The following TASP1 variants were observed in gnomAD, a reference collection of about 807,000 sequenced individuals.
The protein encoded by TASP1 is taspase 1.
TASP1 carries 16 observed loss-of-function variants against 56.6 expected under a neutral mutation model. The ratio of observed to expected loss-of-function variants is 0.28; its 90% CI spans 0.19 to 0.43. TASP1 has a LOEUF of 0.43. TASP1 is among the 20% of genes least tolerant of loss of function. The probability of loss-of-function intolerance (pLI) is 1.00; values close to 1 mark genes in which losing one functional copy is unlikely to be tolerated. For missense variants in TASP1, 393 were observed against 511.6 expected, an observed-to-expected ratio of 0.77 and a Z score of 2.24; for synonymous variants, 179 against 184.2, an observed-to-expected ratio of 0.97 and a Z score of 0.23.
At position 13,424,343 on chromosome 20, in the gene TASP1, A is replaced by G. The variant is rs201784060; in HGVS notation, c.1097-6822T>C. On this transcript the variant is annotated intron_variant, in intron 12 of 13. Transcript: ENST00000337743. ...TCTCAGTAAAAGAGTAGCATTTACC[A>G]TCAGTGATATCTGGAAGTCTATAAT... 2.3e-4 allele frequency among the ~76,000 whole-genome samples: 35 copies of G among 152,238 alleles called. No homozygotes were observed. In the East Asian group the frequency reaches 5.2e-3, roughly 23 times the overall value.
At chr20:13,140,079 C>T in the TASP1 span, among the ~76,000 whole-genome samples, 1 of 152,034 alleles carries the variant, frequency 6.6e-6, no homozygotes, top group East Asian at 1.9e-4. Context: ...AATAATTCCT[C>T]AGAAGAAATT....
the TASP1 span, among the ~76,000 whole-genome samples, chr20:13,250,695 G>A: frequency 0.11 from 16,341 of 152,198 alleles, 1,036 homozygotes; most frequent in African/African-American, 0.16. Flanking sequence ...GGTAAGATTC[G>A]TGTCTATCTT....
At chr20:13,138,602 G>C in the TASP1 span, among the ~76,000 whole-genome samples, 6 of 152,322 alleles carry the variant, frequency 3.9e-5, no homozygotes, top group Admixed American at 3.9e-4. Flanking sequence ...TTTCTGACAA[G>C]CTTGGGATCT....
the TASP1 span, among the ~76,000 whole-genome samples, chr20:13,246,180 G>A: frequency 2.2e-4 from 34 of 151,812 alleles, no homozygotes; most frequent in East Asian, 6.4e-3. Context: ...GGCTGAGGCA[G>A]CAGAATCACT....
the TASP1 span, among the ~76,000 whole-genome samples, chr20:13,247,834 A>G: frequency 6.6e-6 from 1 of 152,196 alleles, no homozygotes; most frequent in African/African-American, 2.4e-5. Flanking sequence ...AAAAAGAAGT[A>G]GGATCTTGGT....
the TASP1 span, chr20:13,160,117 G>A: frequency 4.3e-6 from 7 of 1,613,798 alleles, no homozygotes; most frequent in African/African-American, 8.0e-5. Flanking sequence ...CACATACCCG[G>A]GAGATGTTAG....
intron 10 of TASP1, among the ~76,000 whole-genome samples, chr20:13,526,517 T>C (rs1338021453): frequency 6.6e-6 from 1 of 152,188 alleles, no homozygotes; most frequent in Non-Finnish European, 1.5e-5. Context: ...TAAATTAAAA[T>C]TTAAAATTAA....
chr20:13,331,180 AT>A, the TASP1 span, among the ~76,000 whole-genome samples: 1 of 152,056 alleles, frequency 6.6e-6, no homozygotes, highest in East Asian at 1.9e-4. Flanking sequence ...GCATCCCACA[AT>A]TTTGATATGT....
chr20:13,150,656 C>A, the TASP1 span, among the ~76,000 whole-genome samples: 2 of 152,212 alleles, frequency 1.3e-5, no homozygotes, highest in African/African-American at 2.4e-5. Flanking sequence ...CCTACTCCTT[C>A]CAATCATTAA....
the TASP1 span, among the ~76,000 whole-genome samples, chr20:13,307,505 T>C: frequency 6.6e-6 from 1 of 152,186 alleles, no homozygotes. Flanking sequence ...GTACACTTTT[T>C]AAAAACTGAA....
chr20:13,406,391 G>A (rs1391149379), intron 13 of TASP1, among the ~76,000 whole-genome samples: 4 of 152,114 alleles, frequency 2.6e-5, no homozygotes, highest in African/African-American at 4.8e-5. Flanking sequence ...CACATCATTC[G>A]TTAGATTCAT....
chr20:13,401,074 C>G (rs1464379997), intron 13 of TASP1, among the ~76,000 whole-genome samples: 5 of 152,154 alleles, frequency 3.3e-5, no homozygotes, highest in Non-Finnish European at 5.9e-5. Flanking sequence ...CTTCACCAAA[C>G]AGGGCGGCTA....
chr20:13,236,809 T>A, the TASP1 span, among the ~76,000 whole-genome samples: 1 of 152,164 alleles, frequency 6.6e-6, no homozygotes, highest in Non-Finnish European at 1.5e-5. Flanking sequence ...TGACTCCAGG[T>A]CTCACATCAA....
intron 11 of TASP1, among the ~76,000 whole-genome samples, chr20:13,457,936 A>G (rs930202737): frequency 6.6e-6 from 1 of 152,218 alleles, no homozygotes; most frequent in Non-Finnish European, 1.5e-5. Flanking sequence ...CAGTGTAAAA[A>G]TCAAGTGAAG....
chr20:13,306,564 C>CAAAAAAAAAAAAAAAAAAAAAGAAAAA, the TASP1 span, among the ~76,000 whole-genome samples: 2 of 63,914 alleles, frequency 3.1e-5, no homozygotes, highest in Non-Finnish European at 5.3e-5. Context: ...GGAGAAAGGA[C>CAAAAAAAAAAAAAAAAAAAAAGAAAAA]AAAAAAAAAA....
the TASP1 span, among the ~76,000 whole-genome samples, chr20:13,221,008 C>T: frequency 2.9e-3 from 446 of 152,260 alleles, 2 homozygotes; most frequent in Non-Finnish European, 5.4e-3. Context: ...GAGGGCGCCC[C>T]GGCTACCGCC....
intron 11 of TASP1, among the ~76,000 whole-genome samples, chr20:13,482,540 T>C (rs905580575): frequency 6.6e-6 from 1 of 152,200 alleles, no homozygotes; most frequent in Admixed American, 6.5e-5. Context: ...TCCATACACA[T>C]GAAGTATTTT....
chr20:13,234,898 A>G, the TASP1 span, among the ~76,000 whole-genome samples: 2 of 152,138 alleles, frequency 1.3e-5, no homozygotes, highest in East Asian at 3.9e-4. Flanking sequence ...GATAGTTTGC[A>G]AATATTTTTT....
At chr20:13,463,849 C>G (rs1013740992) in intron 11 of TASP1, among the ~76,000 whole-genome samples, 2 of 151,878 alleles carry the variant, frequency 1.3e-5, no homozygotes, top group African/African-American at 4.8e-5. Context: ...AGAAAAAACC[C>G]AGAAAATAAC....
Sources: gnomAD v4.1 joint callset for allele counts (sites outside exome capture counted in the v4.1 genomes callset) on GRCh38, gnomAD v4.1.1 for gene constraint, MANE v1.5 for transcripts, NCBI Gene and HGNC (gene_info 2026-07-23, HGNC 2026-07-21) for gene names.